Variants in LPGAT1 observed in about 807,000 individuals in gnomAD.
LPGAT1 encodes lysophosphatidylglycerol acyltransferase 1.
A neutral mutation model predicts 47.5 loss-of-function variants in LPGAT1; 11 were observed. The observed-to-expected ratio is 0.23, with a 90% CI of 0.15 to 0.38. The LOEUF is 0.38. Among genes scored for constraint, LPGAT1 ranks in the 10% least tolerant of loss-of-function variants. LPGAT1 has a pLI of 1.00. For missense variants in LPGAT1, 293 were observed against 439.0 expected, an observed-to-expected ratio of 0.67 and a Z score of 2.97; for synonymous variants, 138 against 144.2, an observed-to-expected ratio of 0.96 and a Z score of 0.31.
Position 211,805,243 on chromosome 1 carries a change from G to A in LPGAT1, c.239-12053C>T, listed in dbSNP as rs78086951. Among the ~76,000 whole-genome samples the A allele has an allele frequency of 2.2e-4, 33 of 152,152 alleles. No individual in the cohort carries two copies. In the East Asian group the frequency reaches 6.4e-3, roughly 29 times the overall value. ...TAAATCACCAATAACAGGAATGAAA[G>A]AGAAGACATCACTACAAACGTTCCT... On this transcript the variant is annotated intron_variant, in intron 2 of 7. Coordinates refer to ENST00000366997, the MANE Select transcript of LPGAT1 (RefSeq NM_014873.3).
intron 5 of LPGAT1, among the ~76,000 whole-genome samples, chr1:211,781,212 G>A (rs922911949): frequency 2.0e-5 from 3 of 151,678 alleles, no homozygotes; most frequent in Non-Finnish European, 2.9e-5. Context: ...TTTCAGGTAG[G>A]ATTAAAAAAT....
intron 3 of LPGAT1, among the ~76,000 whole-genome samples, chr1:211,788,076 A>G (rs1376892369): frequency 6.8e-6 from 1 of 147,024 alleles, no homozygotes; most frequent in Non-Finnish European, 1.5e-5. Flanking sequence ...TTGAAACAAT[A>G]TAATAAAATG....
intron 2 of LPGAT1, among the ~76,000 whole-genome samples, chr1:211,816,788 A>G (rs888084659): frequency 6.6e-6 from 1 of 152,246 alleles, no homozygotes; most frequent in Non-Finnish European, 1.5e-5. Context: ...GCTCAGAGAA[A>G]TTAAGCAACT....
rs1656896417 is a variant in LPGAT1, at chr1:211,745,229, A to C, written c.*4670T>G. 6.6e-6 allele frequency: 1 copy of C among 152,644 alleles called. No homozygotes were observed. The highest frequency in any genetic ancestry group is 2.4e-5 in the African/African-American group (1 of 41,464). 9.5% of individuals were successfully genotyped at this position (152,644 alleles called of 1,614,324 possible). ...TCACACGTTACAACATGCAGATAAC[A>C]CAAAGAAAGGTCAACAAGCTGAAGT... On this transcript the variant is annotated 3_prime_UTR_variant, in exon 8 of 8. Coordinates refer to ENST00000366997, the MANE Select transcript of LPGAT1 (RefSeq NM_014873.3).
rs375283143 is a variant in LPGAT1, at chr1:211,749,670, A to G, written c.*229T>C. 1.3e-5 allele frequency: 6 copies of G among 464,024 alleles called. No homozygotes were observed. Among genetic ancestry groups the G allele is most frequent in the African/African-American group, 8.1e-5 (4 of 49,262 alleles). The allele number at this position is 464,024 out of a possible 1,614,324, so 28.7% of individuals were successfully genotyped here. ...TGATGTTTGCTTAAATATGTGATAG[A>G]GTGTATCTTTTTAAAACATGTTCTT... On this transcript the variant is annotated 3_prime_UTR_variant, in exon 8 of 8. Transcript: ENST00000366997.
intron 2 of LPGAT1, among the ~76,000 whole-genome samples, chr1:211,797,107 A>C (rs1286454506): frequency 1.3e-5 from 2 of 152,018 alleles, no homozygotes; most frequent in African/African-American, 2.4e-5. Flanking sequence ...AATTACAAAA[A>C]TTAGCAGGTG....
intron 2 of LPGAT1, among the ~76,000 whole-genome samples, chr1:211,807,424 G>T (rs73084802): frequency 0.018 from 2,695 of 151,816 alleles, 88 homozygotes; most frequent in African/African-American, 0.061. Context: ...AATGTATATA[G>T]AAAAGTCAGC....
intron 6 of LPGAT1, among the ~76,000 whole-genome samples, chr1:211,758,435 G>A (rs1280768832): frequency 6.6e-6 from 1 of 152,144 alleles, no homozygotes; most frequent in African/African-American, 2.4e-5. Flanking sequence ...GGGCATTGTG[G>A]CTCACACCTG....
intron 6 of LPGAT1, among the ~76,000 whole-genome samples, chr1:211,770,730 A>G (rs1032551416): frequency 1.4e-4 from 21 of 152,190 alleles, no homozygotes; most frequent in African/African-American, 4.3e-4. Flanking sequence ...ACATTCACTC[A>G]TCACTCACTG....
At chr1:211,751,489 A>T (rs1233964918) in intron 6 of LPGAT1, among the ~76,000 whole-genome samples, 1 of 152,176 alleles carries the variant, frequency 6.6e-6, no homozygotes, top group Non-Finnish European at 1.5e-5. Flanking sequence ...TTTTGGTGGG[A>T]AAGTCTGAGA....
chr1:211,752,068 A>C (rs764449955), intron 6 of LPGAT1, among the ~76,000 whole-genome samples: 14 of 152,216 alleles, frequency 9.2e-5, no homozygotes, highest in Non-Finnish European at 2.1e-4. Context: ...GCTCAATATT[A>C]GGCATTTATA....
At chr1:211,791,010 C>T (rs538259417) in intron 3 of LPGAT1, among the ~76,000 whole-genome samples, 1 of 152,176 alleles carries the variant, frequency 6.6e-6, no homozygotes, top group South Asian at 2.1e-4. Flanking sequence ...AAAATTTTAA[C>T]GTCATGAACT....
chr1:211,805,511 C>T (rs976034043), intron 2 of LPGAT1, among the ~76,000 whole-genome samples: 1 of 152,126 alleles, frequency 6.6e-6, no homozygotes, highest in Non-Finnish European at 1.5e-5. Context: ...AGTCAGGGAC[C>T]ATCTGTACTA....
intron 4 of LPGAT1, among the ~76,000 whole-genome samples, chr1:211,786,580 C>T (rs1375815226): frequency 6.6e-6 from 1 of 152,188 alleles, no homozygotes; most frequent in East Asian, 1.9e-4. Context: ...TCTTCCTACA[C>T]TAAACTATTC....
intron 2 of LPGAT1, among the ~76,000 whole-genome samples, chr1:211,826,484 T>C (rs750019713): frequency 6.6e-6 from 1 of 152,186 alleles, no homozygotes; most frequent in Admixed American, 6.5e-5. Context: ...TGAAATGTGG[T>C]TGGTGTGCCT....
Position 211,785,054 on chromosome 1 carries a change from T to C in LPGAT1, c.454-1552A>G, listed in dbSNP as rs940693707. ...TCCTGACCTTGTGATCTGCCCCCCT[T>C]GGCCTCCCAAAGTGCTGGGATTACA... is the stretch of plus-strand genomic sequence containing the variant. On this transcript the variant is annotated intron_variant, in intron 4 of 7. Coordinates refer to ENST00000366997, the MANE Select transcript of LPGAT1 (RefSeq NM_014873.3). 5.3e-5 allele frequency among the ~76,000 whole-genome samples: 8 copies of C among 152,170 alleles called. No homozygotes were observed. In the East Asian group the frequency reaches 7.7e-4, roughly 15 times the overall value.
chr1:211,830,261 G>C lies in LPGAT1; in HGVS notation c.-28+312C>G. On this transcript the variant is annotated intron_variant, in intron 1 of 7. Coordinates refer to ENST00000366997, the MANE Select transcript of LPGAT1 (RefSeq NM_014873.3). The surrounding 1 kb of genome is among the most constrained non-coding windows in gnomAD (Gnocchi z 5.9). ...GCCGAGGGGTCGCGGTCATGGACGC[G>C]GTGGCGGCCCAAGCGGCCCGAGGCG... 1 of 1,001,666 alleles carries C rather than the reference G, an allele frequency of 1.0e-6. No individual in the cohort carries two copies. The highest frequency in any genetic ancestry group is 1.2e-6 in the Non-Finnish European group (1 of 841,182). 62.0% of individuals were successfully genotyped at this position (1,001,666 alleles called of 1,614,324 possible).
chr1:211,744,990 A>G lies in LPGAT1; in HGVS notation c.*4909T>C, dbSNP rs1656887389. On this transcript the variant is annotated 3_prime_UTR_variant, in exon 8 of 8. Coordinates refer to ENST00000366997, the MANE Select transcript of LPGAT1 (RefSeq NM_014873.3). ...AAGAATTAAAAGCACTTTAATTGAA[A>G]AAAATCAACTTTATTTTTTCTAGGT... The G allele has an allele frequency of 6.6e-6, 1 of 152,646 alleles. No individual in the cohort carries two copies. Among genetic ancestry groups the G allele is most frequent in the South Asian group, 2.1e-4 (1 of 4,836 alleles). 9.5% of individuals were successfully genotyped at this position (152,646 alleles called of 1,614,324 possible).
chr1:211,825,188 C>CTTTTT (rs953536979), intron 2 of LPGAT1, among the ~76,000 whole-genome samples: 10 of 70,860 alleles, frequency 1.4e-4, no homozygotes, highest in Non-Finnish European at 2.2e-4. Flanking sequence ...GCACAGTCTT[C>CTTTTT]TTTTTTTTTT....
Sources: gnomAD v4.1 joint callset for allele counts (sites outside exome capture counted in the v4.1 genomes callset) on GRCh38, gnomAD v4.1.1 for gene constraint, Gnocchi (gnomAD v3.1) non-coding constraint, MANE v1.5 for transcripts, NCBI Gene and HGNC (gene_info 2026-07-23, HGNC 2026-07-21) for gene names.